Variants in SLC26A7 observed in about 807,000 individuals in gnomAD.
SLC26A7 encodes anion exchange transporter.
Under a neutral mutation model 82.5 loss-of-function variants are expected in SLC26A7, and 59 were observed. That is an observed-to-expected ratio of 0.72 (90% CI 0.58 to 0.89). The LOEUF (loss-of-function observed/expected upper bound fraction) is 0.89, where lower values mean the gene tolerates loss of function less well. Among genes scored for constraint, SLC26A7 ranks in the 40% least tolerant of loss-of-function variants. SLC26A7 has a pLI of 0.00. For synonymous variants in SLC26A7, 271 were observed against 274.3 expected, an observed-to-expected ratio of 0.99 and a Z score of 0.12; for missense variants, 820 against 793.0, an observed-to-expected ratio of 1.03 and a Z score of -0.41.
chr8:91,228,052 G>A (rs1433999128), intron 2 of SLC26A7, among the ~76,000 whole-genome samples: 1 of 152,194 alleles, frequency 6.6e-6, no homozygotes. Context: ...GCTCCAAATG[G>A]CATGAAGCCT....
In SLC26A7 at chr8:91,249,844, G is replaced by A; in HGVS notation, c.193G>A (p.Gly65Arg). The A allele has an allele frequency of 1.3e-6, 2 of 1,595,324 alleles. No individual in the cohort carries two copies. Among genetic ancestry groups the A allele is most frequent in the Non-Finnish European group, 1.7e-6 (2 of 1,173,142 alleles). ...GTTGGCAGTTCAACAGGTGACCCAA[G>A]GTAATGTATTGCATTTGAGTTTCCT... ...IMLAVQQVTQGLAFAVLSSVH... is the reference protein window; with the variant it reads ...IMLAVQQVTQRLAFAVLSSVH... The change falls in exon 2 of 19, where the codon GGA becomes AGA. Residue 65 changes from glycine (G) to arginine (R), a missense_variant and splice_region_variant. Physicochemically the swap from Gly to Arg is moderately radical, Grantham distance 125. Coordinates refer to ENST00000276609, the MANE Select transcript of SLC26A7 (RefSeq NM_052832.4).
At chr8:91,378,083 CATT>C (rs552468401) in intron 15 of SLC26A7, among the ~76,000 whole-genome samples, 216 of 152,120 alleles carry the variant, frequency 1.4e-3, no homozygotes, top group Non-Finnish European at 2.1e-3. Context: ...TTTCATTTAA[CATT>C]ATTTCCCAAA....
At position 91,289,155 on chromosome 8, in the gene SLC26A7, C is replaced by G. The variant is rs375743248; in HGVS notation, c.213C>G (p.Leu71=). ...TCACAGGATTGGCCTTTGCTGTTCTCTCATCTGTGCACCCAGTGTTTGGTT... is the reference window on the plus strand; with the variant it reads ...TCACAGGATTGGCCTTTGCTGTTCTGTCATCTGTGCACCCAGTGTTTGGTT... ...QVTQGLAFAV[L]SSVHPVFGLY... is the part of the protein sequence containing the mutation. Residue 71 remains leucine (L), a synonymous_variant, in exon 3 of 19, where the codon CTC becomes CTG. Transcript: ENST00000276609. The G allele has an allele frequency of 3.7e-6, 6 of 1,613,920 alleles. No individual in the cohort carries two copies. The highest frequency in any genetic ancestry group is 1.6e-4 in the Middle Eastern group (1 of 6,062).
chr8:91,394,951 T>G, intron 18 of SLC26A7, 111 bp from the exon 19 acceptor site: 1 of 1,292,702 alleles, frequency 7.7e-7, no homozygotes, highest in Non-Finnish European at 1.1e-6. Context: ...AAGGTTCATT[T>G]TCTTTGGCTT....
At chr8:91,235,146 A>C (rs1810377029) in intron 2 of SLC26A7, among the ~76,000 whole-genome samples, 1 of 151,298 alleles carries the variant, frequency 6.6e-6, no homozygotes, top group Non-Finnish European at 1.5e-5. Flanking sequence ...TTGGCCTTGA[A>C]CTCCTGGGCT....
At chr8:91,226,935 T>C (rs1445494270) in intron 2 of SLC26A7, among the ~76,000 whole-genome samples, 1 of 152,190 alleles carries the variant, frequency 6.6e-6, no homozygotes, top group African/African-American at 2.4e-5. Context: ...GTCAGGAAAT[T>C]TACTGTTACT....
chr8:91,292,340 T>A (rs980527153), intron 3 of SLC26A7, among the ~76,000 whole-genome samples: 1 of 151,986 alleles, frequency 6.6e-6, no homozygotes, highest in African/African-American at 2.4e-5. Flanking sequence ...TTTTCCCTTA[T>A]TTTGCAACAT....
At position 91,397,124 on chromosome 8, in the gene SLC26A7, A is replaced by C. The variant is rs998781495; in HGVS notation, c.*2027A>C. 1.3e-5 allele frequency: 2 copies of C among 152,068 alleles called. No homozygotes were observed. The highest frequency in any genetic ancestry group is 2.9e-5 in the Non-Finnish European group (2 of 67,940). The allele number at this position is 152,068 out of a possible 1,614,324, so 9.4% of individuals were successfully genotyped here. On this transcript the variant is annotated 3_prime_UTR_variant, in exon 19 of 19. Coordinates refer to ENST00000276609, the MANE Select transcript of SLC26A7 (RefSeq NM_052832.4). ...GTTTATAGTAGAAGTTTAGTGGATA[A>C]AACTTTAAGTCCAATAACTTGGGGG...
intron 2 of SLC26A7, among the ~76,000 whole-genome samples, chr8:91,264,966 T>A (rs1169556095): frequency 6.6e-6 from 1 of 151,996 alleles, no homozygotes; most frequent in Admixed American, 6.6e-5. Context: ...TGCTACTATG[T>A]AATTGAACAC....
At chr8:91,292,289 G>C (rs888307042) in intron 3 of SLC26A7, among the ~76,000 whole-genome samples, 18 of 149,842 alleles carry the variant, frequency 1.2e-4, no homozygotes, top group Non-Finnish European at 1.8e-4. Flanking sequence ...CTGGGCGAGA[G>C]TGCGAGACTC....
At chr8:91,366,538 T>C (rs1389801050) in intron 13 of SLC26A7, 42 bp from the exon 14 acceptor site, 1 of 1,591,944 alleles carries the variant, frequency 6.3e-7, no homozygotes. Context: ...TTGGCTATAA[T>C]TTTCTATTTA....
chr8:91,392,371 A>G (rs1035639762), intron 16 of SLC26A7, among the ~76,000 whole-genome samples: 2 of 152,154 alleles, frequency 1.3e-5, no homozygotes, highest in Non-Finnish European at 2.9e-5. Flanking sequence ...GCTTTTCGGT[A>G]AACTGGAAGT....
intron 15 of SLC26A7, among the ~76,000 whole-genome samples, chr8:91,378,838 T>C (rs1036535491): frequency 2.0e-5 from 3 of 151,928 alleles, no homozygotes; most frequent in Non-Finnish European, 4.4e-5. Flanking sequence ...ACCCCAAAAC[T>C]ACCATATATT....
intron 2 of SLC26A7, among the ~76,000 whole-genome samples, chr8:91,283,826 T>G (rs1811639210): frequency 6.6e-6 from 1 of 152,188 alleles, no homozygotes; most frequent in Non-Finnish European, 1.5e-5. Context: ...TGAGGGGGTG[T>G]TAGTTGGATA....
Position 91,396,055 on chromosome 8 carries a change from A to G in SLC26A7, c.*958A>G, listed in dbSNP as rs545565711. On this transcript the variant is annotated 3_prime_UTR_variant, in exon 19 of 19. Transcript: ENST00000276609. ...TGGATGGATAGGTAGGTAGATCTTC[A>G]TAGATTTTTTTTTCTTTTGTTAGAG... 1 of 152,044 alleles carries G rather than the reference A, an allele frequency of 6.6e-6. No individual in the cohort carries two copies. The highest frequency in any genetic ancestry group is 1.9e-4 in the East Asian group (1 of 5,176). The allele number at this position is 152,044 out of a possible 1,614,324, so 9.4% of individuals were successfully genotyped here.
intron 5 of SLC26A7, among the ~76,000 whole-genome samples, chr8:91,331,496 C>T (rs1183928337): frequency 6.6e-6 from 1 of 152,058 alleles, no homozygotes; most frequent in South Asian, 2.1e-4. Context: ...TCTTTTCACA[C>T]GAGCTTAATT....
chr8:91,286,057 T>A (rs1381876041), intron 2 of SLC26A7, among the ~76,000 whole-genome samples: 1 of 152,228 alleles, frequency 6.6e-6, no homozygotes, highest in East Asian at 1.9e-4. Context: ...TCATCACTAG[T>A]GATTGAGTCA....
intron 1 of SLC26A7, among the ~76,000 whole-genome samples, chr8:91,215,293 T>G (rs1586296172): frequency 6.6e-6 from 1 of 152,306 alleles, no homozygotes; most frequent in East Asian, 1.9e-4. Flanking sequence ...GCTCTTTTTC[T>G]ATTCCTTGTG....
At position 91,382,997 on chromosome 8, in the gene SLC26A7, T is replaced by G. The variant is rs1413615644; in HGVS notation, c.1676-6341T>G. On this transcript the variant is annotated intron_variant, in intron 15 of 18. Transcript: ENST00000276609. ...AGGGGTAGTAGAGGCAGGACTTAAG[T>G]CCCTGTTGAAAGTAGGCTATATACA... Among the ~76,000 whole-genome samples the G allele has an allele frequency of 5.3e-5, 8 of 152,086 alleles. No individual in the cohort carries two copies. The East Asian group carries it at 1.5e-3, about 29-fold the overall frequency.
Sources: gnomAD v4.1 joint callset for allele counts (sites outside exome capture counted in the v4.1 genomes callset) on GRCh38, gnomAD v4.1.1 for gene constraint, MANE v1.5 for transcripts, NCBI Gene and HGNC (gene_info 2026-07-23, HGNC 2026-07-21) for gene names.